Variants in PROS1 observed in about 807,000 individuals in gnomAD.
The protein encoded by PROS1 is protein S.
A neutral mutation model predicts 75.9 loss-of-function variants in PROS1; 29 were observed. That is an observed-to-expected ratio of 0.38 (90% confidence interval 0.28 to 0.52). PROS1 has a LOEUF of 0.52. Among genes scored for constraint, PROS1 ranks in the 20% least tolerant of loss-of-function variants. PROS1 has a pLI of 0.83. For synonymous variants in PROS1, 245 were observed against 280.6 expected (o/e 0.87, Z 1.27); for missense variants, 680 against 810.3 (o/e 0.84, Z 1.95).
chr3:93,913,715 G>C (rs1708795692), intron 3 of PROS1, among the ~76,000 whole-genome samples: 1 of 152,134 alleles, frequency 6.6e-6, no homozygotes, highest in African/African-American at 2.4e-5. Context: ...TTATAATAGA[G>C]TGAAAACAGA....
Position 93,947,922 on chromosome 3 carries a change from C to A in PROS1, c.77-20515G>T, listed in dbSNP as rs564086519. On this transcript the variant is annotated intron_variant, in intron 1 of 14. Coordinates refer to ENST00000394236, the MANE Select transcript of PROS1 (RefSeq NM_000313.4). ...TCTCCCCCCTTACCTTGGCATTGCC[C>A]TTGCACAATTTTCACATAGGCACCT... 3.7e-4 allele frequency among the ~76,000 whole-genome samples: 56 copies of A among 152,254 alleles called. 1 individual carries two copies. Among genetic ancestry groups the A allele is most frequent in the Admixed American group, 5.9e-4 (9 of 15,278 alleles).
chr3:93,932,076 A>C (rs1709114587), intron 1 of PROS1, among the ~76,000 whole-genome samples: 1 of 152,246 alleles, frequency 6.6e-6, no homozygotes, highest in Non-Finnish European at 1.5e-5. Flanking sequence ...ATGGGGTTTG[A>C]AGTGCTTTCA....
At chr3:93,927,460 A>T in intron 1 of PROS1, 53 bp from the exon 2 acceptor site, 1 of 1,550,696 alleles carries the variant, frequency 6.4e-7, no homozygotes, top group Non-Finnish European at 8.8e-7. Flanking sequence ...TGTAAAATAT[A>T]TTGTTTTATT....
intron 1 of PROS1, among the ~76,000 whole-genome samples, chr3:93,944,981 G>A (rs568703702): frequency 6.6e-6 from 1 of 151,776 alleles, no homozygotes; most frequent in South Asian, 2.1e-4. Flanking sequence ...ATGATAAAGG[G>A]GATAACACCA....
chr3:93,884,024 TAAG>T (rs1231885051), intron 12 of PROS1, among the ~76,000 whole-genome samples: 1 of 152,144 alleles, frequency 6.6e-6, no homozygotes, highest in Non-Finnish European at 1.5e-5. Flanking sequence ...CAACAAAACT[TAAG>T]AAGCTCAACT....
intron 1 of PROS1, among the ~76,000 whole-genome samples, chr3:93,927,865 ATATATATATGTGTGTATGTG>A (rs1559941364): frequency 1.4e-5 from 2 of 140,190 alleles, no homozygotes; most frequent in Admixed American, 7.4e-5. Flanking sequence ...ATATATATAT[ATATATATATGTGTGTATGTG>A]TATATATATA....
At chr3:93,906,516 C>T (rs1010289278) in intron 4 of PROS1, among the ~76,000 whole-genome samples, 3 of 152,178 alleles carry the variant, frequency 2.0e-5, no homozygotes, top group Non-Finnish European at 2.9e-5. Flanking sequence ...CTCTTGGGGG[C>T]CTGCTCCCGC....
rs183701223 is a variant in PROS1, at chr3:93,877,636, C to T, written c.1645-445G>A. Among the ~76,000 whole-genome samples the T allele has an allele frequency of 7.8e-3, 1,181 of 152,278 alleles. 9 individuals are homozygous for T. The highest frequency in any genetic ancestry group is 0.014 in the Non-Finnish European group (954 of 68,026). On this transcript the variant is annotated intron_variant, in intron 13 of 14. Transcript: ENST00000394236. ...GACTAACAGGTTTCTTTGTGCCACA[C>T]AAGCAATCCTACAGACTTGGGATAA...
chr3:93,972,942 G>A lies in PROS1; in HGVS notation c.76+732C>T, dbSNP rs143348760. Among the ~76,000 whole-genome samples, 495 of 152,134 alleles carry A rather than the reference G, an allele frequency of 3.3e-3. 1 individual carries two copies. Among genetic ancestry groups the A allele is most frequent in the Non-Finnish European group, 3.8e-3 (261 of 67,980 alleles). On this transcript the variant is annotated intron_variant, in intron 1 of 14. Transcript: ENST00000394236. ...ACCACTAAAATGTACTAATTGCCTTGGTATTCCTTATATATTTTTCAGAGA... is the reference window on the plus strand; with the variant it reads ...ACCACTAAAATGTACTAATTGCCTTAGTATTCCTTATATATTTTTCAGAGA...
intron 3 of PROS1, among the ~76,000 whole-genome samples, chr3:93,919,169 A>G (rs1360182525): frequency 6.6e-6 from 1 of 152,178 alleles, no homozygotes; most frequent in Non-Finnish European, 1.5e-5. Flanking sequence ...GTACCTGCAT[A>G]ACAATTTCTT....
chr3:93,955,890 T>C (rs1417924211), intron 1 of PROS1, among the ~76,000 whole-genome samples: 1 of 152,182 alleles, frequency 6.6e-6, no homozygotes, highest in Non-Finnish European at 1.5e-5. Context: ...AATTTTACAC[T>C]GATGAATATG....
chr3:93,879,410 A>G (rs1035434006), intron 12 of PROS1, 96 bp from the exon 13 acceptor site: 6 of 1,433,924 alleles, frequency 4.2e-6, no homozygotes, highest in Admixed American at 1.7e-5. Context: ...ATTCAAAACT[A>G]TCTTGTGTAA....
intron 3 of PROS1, among the ~76,000 whole-genome samples, chr3:93,917,938 C>T (rs1014447434): frequency 6.6e-6 from 1 of 152,142 alleles, no homozygotes; most frequent in Non-Finnish European, 1.5e-5. Flanking sequence ...GGCGCCCAGT[C>T]CCATTGACCA....
chr3:93,937,660 C>T (rs920374237), intron 1 of PROS1, among the ~76,000 whole-genome samples: 1 of 152,152 alleles, frequency 6.6e-6, no homozygotes, highest in Non-Finnish European at 1.5e-5. Context: ...AGTCACCATG[C>T]TCAGCCTGAG....
chr3:93,901,453 T>C (rs1349442810), intron 6 of PROS1, among the ~76,000 whole-genome samples: 1 of 152,178 alleles, frequency 6.6e-6, no homozygotes, highest in East Asian at 1.9e-4. Flanking sequence ...TAAATGAATA[T>C]TCCAGAAATT....
At chr3:93,884,609 A>G in intron 12 of PROS1, 119 bp downstream of exon 12, 1 of 1,171,106 alleles carries the variant, frequency 8.5e-7, no homozygotes, top group Non-Finnish European at 1.2e-6. Flanking sequence ...AATAAGCATA[A>G]GACTAGAGTG....
chr3:93,928,292 C>G (rs1225455397), intron 1 of PROS1, among the ~76,000 whole-genome samples: 2 of 149,760 alleles, frequency 1.3e-5, no homozygotes, highest in African/African-American at 4.9e-5. Context: ...GATCATACCA[C>G]TTCACTCCAG....
chr3:93,933,575 A>G (rs1400084914), intron 1 of PROS1, among the ~76,000 whole-genome samples: 1 of 151,158 alleles, frequency 6.6e-6, no homozygotes, highest in Admixed American at 6.6e-5. Flanking sequence ...CCTTGCCTCA[A>G]AAAAAAAGAA....
chr3:93,895,732 A>T (rs1185696617), intron 9 of PROS1, among the ~76,000 whole-genome samples: 1 of 152,162 alleles, frequency 6.6e-6, no homozygotes, highest in Non-Finnish European at 1.5e-5. Context: ...ATGGCAGATC[A>T]CCTGAGGTGA....
Sources: allele counts gnomAD v4.1 joint callset (sites outside exome capture counted in the v4.1 genomes callset), GRCh38; gene constraint gnomAD v4.1.1; transcripts MANE v1.5; gene names NCBI Gene and HGNC (gene_info 2026-07-23, HGNC 2026-07-21).